SNCAIP: variants seen among roughly 807,000 people sequenced by gnomAD.
The protein encoded by SNCAIP is synphilin-1.
A neutral mutation model predicts 86.7 loss-of-function variants in SNCAIP; 43 were observed. The ratio of observed to expected loss-of-function variants is 0.50; its 90% CI spans 0.39 to 0.64. The LOEUF (loss-of-function observed/expected upper bound fraction) is 0.64, where lower values mean the gene tolerates loss of function less well. Ranked by LOEUF, SNCAIP falls within the 30% of genes least tolerant of loss-of-function variation. The probability of loss-of-function intolerance (pLI) is 0.00; values close to 1 mark genes in which losing one functional copy is unlikely to be tolerated. For missense variants in SNCAIP, 981 were observed against 1,103.1 expected (o/e 0.89, Z 1.57); for synonymous variants, 417 against 427.2 (o/e 0.98, Z 0.29).
chr5:122,376,954 C>G (rs890780040), intron 1 of SNCAIP, among the ~76,000 whole-genome samples: 6 of 152,182 alleles, frequency 3.9e-5, no homozygotes, highest in Non-Finnish European at 8.8e-5. Context: ...TGATCTTCTT[C>G]TCTCAGAGGA....
chr5:122,328,783 GCCCTTATGATTTGAGCCTTGC>G (rs1394120698), intron 1 of SNCAIP, among the ~76,000 whole-genome samples: 1 of 152,128 alleles, frequency 6.6e-6, no homozygotes, highest in Non-Finnish European at 1.5e-5. Flanking sequence ...TGACATTTAA[GCCCTTATGATTTGAGCCTTGC>G]CCACTTGTCC....
intron 5 of SNCAIP, among the ~76,000 whole-genome samples, chr5:122,431,562 G>T (rs1391924252): frequency 6.6e-6 from 1 of 152,030 alleles, no homozygotes; most frequent in African/African-American, 2.4e-5. Context: ...ATGAGAGGAG[G>T]GTGAGAACCA....
chr5:122,334,285 A>G (rs1755970023), intron 1 of SNCAIP, among the ~76,000 whole-genome samples: 1 of 152,276 alleles, frequency 6.6e-6, no homozygotes, highest in African/African-American at 2.4e-5. Context: ...GAAAAAAAAA[A>G]AAATGAAGCA....
intron 1 of SNCAIP, among the ~76,000 whole-genome samples, chr5:122,358,101 C>T (rs183538632): frequency 6.6e-6 from 1 of 151,226 alleles, no homozygotes; most frequent in Non-Finnish European, 1.5e-5. Flanking sequence ...ATCTTTAAAC[C>T]TTCCATACCC....
chr5:122,412,897 C>A (rs752743765), intron 3 of SNCAIP, among the ~76,000 whole-genome samples: 1 of 152,208 alleles, frequency 6.6e-6, no homozygotes, highest in African/African-American at 2.4e-5. Context: ...CAATTCATCA[C>A]CAGGTCTTGA....
At chr5:122,432,166 A>T (rs1778542123) in intron 6 of SNCAIP, 84 bp downstream of exon 6, 1 of 728,298 alleles carries the variant, frequency 1.4e-6, no homozygotes, top group African/African-American at 1.7e-5. Context: ...CAAAATCCAA[A>T]CATAAGAAAT....
chr5:122,341,415 A>C (rs1324361942), intron 1 of SNCAIP, among the ~76,000 whole-genome samples: 2 of 152,214 alleles, frequency 1.3e-5, no homozygotes, highest in Non-Finnish European at 2.9e-5. Flanking sequence ...AACATTATTC[A>C]TGTCAATATT....
At chr5:122,328,678 T>C (rs1754627733) in intron 1 of SNCAIP, among the ~76,000 whole-genome samples, 1 of 152,228 alleles carries the variant, frequency 6.6e-6, no homozygotes, top group African/African-American at 2.4e-5. Context: ...CGTTAACACA[T>C]TGATCTTTCT....
At chr5:122,424,245 A>T (rs146793524) in intron 4 of SNCAIP, among the ~76,000 whole-genome samples, 1 of 152,306 alleles carries the variant, frequency 6.6e-6, no homozygotes, top group Admixed American at 6.5e-5. Context: ...CCTCTGACCC[A>T]GGTGGAGTTT....
At chr5:122,461,427 A>G (rs1786202678) in intron 10 of SNCAIP, among the ~76,000 whole-genome samples, 1 of 151,830 alleles carries the variant, frequency 6.6e-6, no homozygotes, top group South Asian at 2.1e-4. Flanking sequence ...CTCTTCTCCA[A>G]TTTCTCTGTT....
intron 1 of SNCAIP, among the ~76,000 whole-genome samples, chr5:122,337,222 C>T (rs1220312590): frequency 3.3e-5 from 5 of 151,934 alleles, no homozygotes; most frequent in East Asian, 1.9e-4. Flanking sequence ...AATGATCCTA[C>T]GTAATAATCA....
At chr5:122,416,749 G>A (rs1360683591) in intron 3 of SNCAIP, among the ~76,000 whole-genome samples, 1 of 152,096 alleles carries the variant, frequency 6.6e-6, no homozygotes, top group East Asian at 1.9e-4. Flanking sequence ...ACCTTACATA[G>A]GACTAACCAA....
intron 1 of SNCAIP, among the ~76,000 whole-genome samples, chr5:122,375,471 C>CTTTTTTTTTTT (rs35995238): frequency 8.6e-6 from 1 of 115,610 alleles, no homozygotes; most frequent in African/African-American, 3.1e-5. Flanking sequence ...TAGATTTTTG[C>CTTTTTTTTTTT]TTTTTTTTTT....
At chr5:122,411,413 T>G (rs1774088426) in intron 3 of SNCAIP, among the ~76,000 whole-genome samples, 1 of 152,186 alleles carries the variant, frequency 6.6e-6, no homozygotes, top group African/African-American at 2.4e-5. Context: ...ATTTCTAGTT[T>G]AGGAGCTTCT....
At chr5:122,391,832 T>C (rs1157794709) in intron 2 of SNCAIP, among the ~76,000 whole-genome samples, 7 of 152,228 alleles carry the variant, frequency 4.6e-5, no homozygotes, top group Non-Finnish European at 8.8e-5. Context: ...ATTGTCTACA[T>C]GCATCTTGCT....
chr5:122,346,009 GAACA>G (rs1024093219), intron 1 of SNCAIP, among the ~76,000 whole-genome samples: 14 of 152,084 alleles, frequency 9.2e-5, no homozygotes, highest in Non-Finnish European at 2.9e-5. Context: ...AGGTGACAGG[GAACA>G]AAGAAAGAGG....
At chr5:122,436,627 A>G (rs1779548533) in intron 6 of SNCAIP, 1 of 152,206 alleles carries the variant, frequency 6.6e-6, no homozygotes, top group Admixed American at 6.5e-5. Context: ...AAACTGGAAT[A>G]AATCTTATAA....
chr5:122,437,940 C>T (rs958392642), intron 6 of SNCAIP, among the ~76,000 whole-genome samples: 1 of 152,150 alleles, frequency 6.6e-6, no homozygotes, highest in Non-Finnish European at 1.5e-5. Flanking sequence ...CCTATAACCC[C>T]ACTACTAAAA....
chr5:122,429,800 A>G (rs1778043989), intron 5 of SNCAIP, among the ~76,000 whole-genome samples: 1 of 152,210 alleles, frequency 6.6e-6, no homozygotes, highest in African/African-American at 2.4e-5. Flanking sequence ...AACAGCCAGG[A>G]CACGGTTACC....
Sources: gnomAD v4.1 joint callset for allele counts (sites outside exome capture counted in the v4.1 genomes callset) on GRCh38, gnomAD v4.1.1 for gene constraint, MANE v1.5 for transcripts, NCBI Gene and HGNC (gene_info 2026-07-23, HGNC 2026-07-21) for gene names.